Variants in FER observed in about 807,000 individuals in gnomAD.
FER encodes the protein FER tyrosine kinase.
Under a neutral mutation model 111.0 loss-of-function variants are expected in FER, and 63 were observed. That is an observed-to-expected ratio of 0.57 (90% CI 0.46 to 0.70). The LOEUF (loss-of-function observed/expected upper bound fraction) is 0.70, where lower values mean the gene tolerates loss of function less well. FER is among the 30% of genes least tolerant of loss of function. FER has a pLI of 0.00. For missense variants in FER, 914 were observed against 954.0 expected (o/e 0.96, Z 0.55); for synonymous variants, 327 against 313.9 (o/e 1.04, Z -0.44).
At chr5:109,083,144 T>C (rs888265229) in intron 16 of FER, among the ~76,000 whole-genome samples, 11 of 152,178 alleles carry the variant, frequency 7.2e-5, no homozygotes, top group Admixed American at 7.2e-4. Flanking sequence ...TGAAACCTGA[T>C]GTTATATAGG....
intron 10 of FER, among the ~76,000 whole-genome samples, chr5:108,910,529 T>C (rs1296446087): frequency 6.6e-6 from 1 of 152,136 alleles, no homozygotes; most frequent in East Asian, 1.9e-4. Flanking sequence ...TGCAGGTTTG[T>C]TACATGAATA....
intron 17 of FER, among the ~76,000 whole-genome samples, chr5:109,118,899 C>G (rs1026762748): frequency 2.0e-5 from 3 of 149,582 alleles, no homozygotes; most frequent in African/African-American, 7.4e-5. Context: ...TCTGTCTTTT[C>G]TTTATTAGTC....
At chr5:109,080,315 G>C (rs1776843656) in intron 16 of FER, among the ~76,000 whole-genome samples, 2 of 152,030 alleles carry the variant, frequency 1.3e-5, no homozygotes, top group Admixed American at 6.6e-5. Flanking sequence ...TGGCTTACTA[G>C]TCTGTGCTTT....
intron 13 of FER, among the ~76,000 whole-genome samples, chr5:108,976,354 C>G (rs975539057): frequency 1.3e-5 from 2 of 152,230 alleles, no homozygotes; most frequent in East Asian, 3.9e-4. Flanking sequence ...ACTTTTAAAA[C>G]TTATGATACT....
chr5:109,166,347 A>G (rs1756556619), intron 17 of FER, among the ~76,000 whole-genome samples: 1 of 152,112 alleles, frequency 6.6e-6, no homozygotes, highest in Non-Finnish European at 1.5e-5. Context: ...GACAGAAGAC[A>G]TTATTACCCC....
At chr5:108,971,392 A>C (rs1454775624) in intron 13 of FER, among the ~76,000 whole-genome samples, 1 of 152,046 alleles carries the variant, frequency 6.6e-6, no homozygotes, top group African/African-American at 2.4e-5. Context: ...CTAATGGCCT[A>C]TGTATAATTT....
At chr5:108,925,169 A>G (rs912485836) in intron 10 of FER, among the ~76,000 whole-genome samples, 2 of 151,248 alleles carry the variant, frequency 1.3e-5, no homozygotes, top group African/African-American at 2.4e-5. Context: ...TTTCTCCTCA[A>G]ATATTCAACA....
At chr5:108,760,543 G>C (rs1323270987) in intron 1 of FER, among the ~76,000 whole-genome samples, 1 of 152,120 alleles carries the variant, frequency 6.6e-6, no homozygotes, top group Non-Finnish European at 1.5e-5. Flanking sequence ...CTAGAGTTTT[G>C]GATAACTTGC....
chr5:108,777,060 C>T (rs1480201797), intron 2 of FER, among the ~76,000 whole-genome samples: 1 of 152,060 alleles, frequency 6.6e-6, no homozygotes, highest in Non-Finnish European at 1.5e-5. Flanking sequence ...GCCTGTAATC[C>T]CAGCACGTTG....
chr5:108,829,564 G>C (rs1284926412), intron 3 of FER, among the ~76,000 whole-genome samples: 2 of 152,104 alleles, frequency 1.3e-5, no homozygotes, highest in African/African-American at 4.8e-5. Context: ...ACTTGAGCCT[G>C]GGAGGTTGAG....
At chr5:108,790,464 G>A (rs1408606150) in intron 2 of FER, among the ~76,000 whole-genome samples, 2 of 151,982 alleles carry the variant, frequency 1.3e-5, no homozygotes, top group African/African-American at 4.8e-5. Context: ...AAGATAAAAG[G>A]TGTTTTTCTT....
chr5:108,906,885 A>G (rs1285370083), intron 10 of FER, among the ~76,000 whole-genome samples: 1 of 152,122 alleles, frequency 6.6e-6, no homozygotes, highest in African/African-American at 2.4e-5. Context: ...TCATTCTACC[A>G]GTTGAAACCT....
intron 1 of FER, among the ~76,000 whole-genome samples, chr5:108,758,921 C>G (rs1259745590): frequency 6.6e-6 from 1 of 152,104 alleles, no homozygotes; most frequent in Non-Finnish European, 1.5e-5. Flanking sequence ...AAAAAAATGC[C>G]CTCACCTATC....
intron 10 of FER, among the ~76,000 whole-genome samples, chr5:108,917,672 T>A (rs1409099138): frequency 1.3e-5 from 2 of 152,164 alleles, no homozygotes; most frequent in Non-Finnish European, 2.9e-5. Context: ...TTGCTTCTAA[T>A]TTTCCTTAGA....
intron 16 of FER, among the ~76,000 whole-genome samples, chr5:109,093,945 A>G (rs910107571): frequency 6.6e-6 from 1 of 152,098 alleles, no homozygotes; most frequent in Non-Finnish European, 1.5e-5. Context: ...TGTCTATCAG[A>G]GGCAACTTTG....
At chr5:108,992,486 TGGCTGGCCGGGCGGGGGGCTGACCCCC>T (rs1763335067) in intron 13 of FER, among the ~76,000 whole-genome samples, 1 of 120,324 alleles carries the variant, frequency 8.3e-6, no homozygotes, top group African/African-American at 3.1e-5. Flanking sequence ...CCGGACGGGG[TGGCTGGCCGGGCGGGGGGCTGACCCCC>T]CACCTCCCTC....
chr5:108,871,472 C>T lies in FER; in HGVS notation c.773C>T (p.Thr258Ile). The T allele has an allele frequency of 6.2e-7, 1 of 1,608,502 alleles. No homozygotes were observed. Among genetic ancestry groups the T allele is most frequent in the Admixed American group, 1.7e-5 (1 of 59,834 alleles). The change falls in exon 7 of 20, where the codon ACA (threonine) becomes ATA (isoleucine). Residue 258 changes from threonine (T) to isoleucine (I), a missense_variant. Around this residue, in one of 3 missense-constraint regions of FER, gnomAD observed 774 missense variants for 782.6 expected, o/e 0.99. Coordinates refer to ENST00000281092, the MANE Select transcript of FER (RefSeq NM_005246.4). ...QMSVEQIDPSTEYNNFIDVHR... is the reference protein window; with the variant it reads ...QMSVEQIDPSIEYNNFIDVHR... ...TCGGTTGAACAGATAGATCCTAGTA[C>T]AGAATACAATAATTTCATAGATGTT...
At chr5:109,005,825 C>G (rs1462051929) in intron 13 of FER, among the ~76,000 whole-genome samples, 1 of 152,126 alleles carries the variant, frequency 6.6e-6, no homozygotes, top group Admixed American at 6.5e-5. Flanking sequence ...TGCTTCACAC[C>G]CAGGAAGTGT....
chr5:108,984,805 G>C (rs1245554604), intron 13 of FER, among the ~76,000 whole-genome samples: 2 of 151,758 alleles, frequency 1.3e-5, no homozygotes, highest in Admixed American at 1.3e-4. Context: ...GTAGCAATTT[G>C]GTAAGGCAAC....
Sources: gnomAD v4.1 joint callset for allele counts (sites outside exome capture counted in the v4.1 genomes callset) on GRCh38, gnomAD v4.1.1 for gene constraint, gnomAD v4.1.1 regional missense constraint, MANE v1.5 for transcripts, NCBI Gene and HGNC (gene_info 2026-07-23, HGNC 2026-07-21) for gene names.